Variants in PARPBP observed in about 807,000 individuals in gnomAD.
PARPBP encodes the protein PARP1 binding protein.
PARPBP carries 52 observed loss-of-function variants against 50.0 expected under a neutral mutation model. That is an observed-to-expected ratio of 1.04 (90% CI 0.83 to 1.31). The LOEUF is 1.31. PARPBP is among the 50% of genes most tolerant of loss of function. PARPBP has a pLI of 0.00. For synonymous variants in PARPBP, 244 were observed against 232.1 expected (o/e 1.05, Z -0.47); for missense variants, 697 against 672.0 (o/e 1.04, Z -0.41).
rs528317265 is a variant in PARPBP at position 102,181,469 on chromosome 12, G to T, written c.1185-1080G>T. On this transcript the variant is annotated intron_variant, in intron 8 of 10. Coordinates refer to ENST00000327680, the MANE Select transcript of PARPBP (RefSeq NM_017915.5). ...TATTACACACCTAGGCTACAAACCT[G>T]TACAGTATGTTATTGTACTAAATAG... 1.5e-3 allele frequency among the ~76,000 whole-genome samples: 232 copies of T among 152,236 alleles called. 1 individual carries two copies. Among genetic ancestry groups the T allele is most frequent in the African/African-American group, 5.4e-3 (223 of 41,530 alleles).
At chr12:102,175,369 A>G in intron 6 of PARPBP, 114 bp from the exon 7 acceptor site, 1 of 598,340 alleles carries the variant, frequency 1.7e-6, no homozygotes, top group Non-Finnish European at 2.8e-6. Context: ...TTGATATATA[A>G]GATCAAAGCT....
rs1343894910 is a variant in PARPBP, at chr12:102,148,380, AG to A, written c.305del (p.Ser102IlefsTer4). The A allele has an allele frequency of 6.9e-6, 11 of 1,587,466 alleles. No individual in the cohort carries two copies. In the Admixed American group the frequency reaches 1.2e-4, roughly 17 times the overall value. ...RKIYDDFLKNSNMLDLIDVYQ... is the reference protein window; with the variant it reads ...RKIYDDFLKNXNMLDLIDVYQ... ...GATTTATGATGATTTCTTGAAGAAC[AG>A]TAATATGTTAGATCTGATTGATGTT... is the stretch of plus-strand genomic sequence containing the variant. On this transcript the variant is annotated frameshift_variant, in exon 3 of 11. Transcript: ENST00000327680. LOFTEE classifies it high-confidence loss of function.
chr12:102,140,277 G>A (rs377198959), intron 2 of PARPBP, among the ~76,000 whole-genome samples: 4 of 152,172 alleles, frequency 2.6e-5, no homozygotes, highest in Non-Finnish European at 5.9e-5. Context: ...GCATAGAGGT[G>A]TTTATAGTAT....
At chr12:102,177,514 T>C (rs2136746064) in intron 7 of PARPBP, among the ~76,000 whole-genome samples, 1 of 152,132 alleles carries the variant, frequency 6.6e-6, no homozygotes, top group Non-Finnish European at 1.5e-5. Context: ...ATATATTTTA[T>C]TTTATTCTAT....
At chr12:102,155,840 T>C (rs1423675733) in intron 4 of PARPBP, among the ~76,000 whole-genome samples, 1 of 152,230 alleles carries the variant, frequency 6.6e-6, no homozygotes, top group Non-Finnish European at 1.5e-5. Context: ...GCTGTGCTCC[T>C]GATCTAGCCA....
intron 6 of PARPBP, among the ~76,000 whole-genome samples, chr12:102,166,222 CTG>C (rs1888125372): frequency 6.6e-6 from 1 of 152,044 alleles, no homozygotes; most frequent in South Asian, 2.1e-4. Flanking sequence ...ATAAAGGAAA[CTG>C]ATATCAAGAA....
At chr12:102,136,138 C>A (rs1246231408) in intron 2 of PARPBP, among the ~76,000 whole-genome samples, 1 of 152,184 alleles carries the variant, frequency 6.6e-6, no homozygotes, top group Admixed American at 6.6e-5. Flanking sequence ...TGGCATGTGC[C>A]ATTGTTCACT....
At chr12:102,137,567 CAT>C (rs1433587091) in intron 2 of PARPBP, among the ~76,000 whole-genome samples, 28 of 151,736 alleles carry the variant, frequency 1.8e-4, no homozygotes, top group African/African-American at 6.5e-4. Flanking sequence ...AGGTTTGTTA[CAT>C]ATGTACACAT....
intron 9 of PARPBP, 116 bp downstream of exon 9, chr12:102,182,743 A>G (rs1175830159): frequency 1.4e-6 from 1 of 723,962 alleles, no homozygotes; most frequent in Non-Finnish European, 2.4e-6. Context: ...ATGACACAGT[A>G]GGAATTAAAT....
intron 9 of PARPBP, among the ~76,000 whole-genome samples, chr12:102,188,326 C>T (rs1890494969): frequency 6.6e-6 from 1 of 150,748 alleles, no homozygotes; most frequent in Non-Finnish European, 1.5e-5. Context: ...GATCACAGAA[C>T]ATAGTGTGAA....
intron 2 of PARPBP, among the ~76,000 whole-genome samples, chr12:102,146,871 G>GA (rs1255703111): frequency 6.6e-6 from 1 of 151,710 alleles, no homozygotes; most frequent in Non-Finnish European, 1.5e-5. Flanking sequence ...AAATTTGCAA[G>GA]AAAAAAACAA....
chr12:102,121,372 A>G (rs1259553260), intron 1 of PARPBP, among the ~76,000 whole-genome samples: 1 of 152,134 alleles, frequency 6.6e-6, no homozygotes, highest in African/African-American at 2.4e-5. Flanking sequence ...AAAAAGTTTT[A>G]TTGGAGCACA....
intron 3 of PARPBP, 90 bp downstream of exon 3, chr12:102,148,553 G>A: frequency 1.8e-6 from 1 of 553,144 alleles, no homozygotes; most frequent in Non-Finnish European, 3.1e-6. Context: ...ATAGTAACTT[G>A]GTAATGTTTT....
Position 102,175,929 on chromosome 12 carries a change from A to G in PARPBP, c.1005+263A>G, listed in dbSNP as rs79170450. Among the ~76,000 whole-genome samples the G allele has an allele frequency of 9.0e-3, 1,371 of 152,208 alleles. 13 individuals carry two copies. Among genetic ancestry groups the G allele is most frequent in the Non-Finnish European group, 0.013 (883 of 68,006 alleles). On this transcript the variant is annotated intron_variant, in intron 7 of 10. Transcript: ENST00000327680. ...CTCTGGTATCCCTTTTAGTACTAAAAACTTATAATTCTTGATGGATATTAA... is the reference window on the plus strand; with the variant it reads ...CTCTGGTATCCCTTTTAGTACTAAAGACTTATAATTCTTGATGGATATTAA...
At position 102,196,444 on chromosome 12, in the gene PARPBP, A is replaced by G; in HGVS notation, c.*153A>G. ...AGTATGTTAAGCATTGTTTAAAAATACTAGTAAGTCATAATTATGCAGAAT... is the reference window on the plus strand; with the variant it reads ...AGTATGTTAAGCATTGTTTAAAAATGCTAGTAAGTCATAATTATGCAGAAT... On this transcript the variant is annotated 3_prime_UTR_variant, in exon 11 of 11. Transcript: ENST00000327680. 1 of 713,240 alleles carries G rather than the reference A, an allele frequency of 1.4e-6. No homozygotes were observed. Among genetic ancestry groups the G allele is most frequent in the Non-Finnish European group, 2.4e-6 (1 of 417,190 alleles). 44.2% of individuals were successfully genotyped at this position (713,240 alleles called of 1,614,324 possible).
Position 102,164,591 on chromosome 12 carries a change from C to G in PARPBP, c.649C>G (p.Gln217Glu), listed in dbSNP as rs75438625. The G allele has an allele frequency of 8.3e-5, 134 of 1,613,184 alleles. No individual in the cohort carries two copies. The highest frequency in any genetic ancestry group is 3.3e-4 in the Admixed American group (20 of 59,980). Residue 217 changes from glutamine to glutamate, a missense_variant, in exon 5 of 11, where the codon CAA (glutamine) becomes GAA (glutamate). Gln to Glu is a conservative substitution (Grantham distance 29). Transcript: ENST00000327680. ...TTTGAAACATGCTGCTCGAGAGAAA[C>G]AAATGTCTATCTTTTTGGTATGGTT... ...TDLKHAAREKQMSIFLVATSF... is the reference protein window; with the variant it reads ...TDLKHAAREKEMSIFLVATSF...
chr12:102,152,741 A>G (rs1480710546), intron 3 of PARPBP, among the ~76,000 whole-genome samples: 2 of 151,968 alleles, frequency 1.3e-5, no homozygotes, highest in Non-Finnish European at 2.9e-5. Context: ...GAGTAATTTC[A>G]TCTGATACTT....
Position 102,153,854 on chromosome 12 carries a change from C to CT in PARPBP, c.388-14dup. 2 of 1,380,664 alleles carry CT rather than the reference C, an allele frequency of 1.4e-6. No homozygotes were observed. The highest frequency in any genetic ancestry group is 1.0e-6 in the Non-Finnish European group (1 of 967,708). 85.5% of individuals were successfully genotyped at this position (1,380,664 alleles called of 1,614,324 possible). Reference sequence around the variant, plus strand: ...AGCATAGCATTTTATTAGTAATACTCTATGTTTTCTACAGAGTCAACTACT... The same window carrying CT: ...AGCATAGCATTTTATTAGTAATACTCTTATGTTTTCTACAGAGTCAACTACT... On this transcript the variant is annotated splice_polypyrimidine_tract_variant and intron_variant, in intron 3 of 10. Coordinates refer to ENST00000327680, the MANE Select transcript of PARPBP (RefSeq NM_017915.5).
chr12:102,158,661 T>G (rs1887227267), intron 4 of PARPBP, among the ~76,000 whole-genome samples: 1 of 152,160 alleles, frequency 6.6e-6, no homozygotes, highest in Non-Finnish European at 1.5e-5. Context: ...CTTGACAAAG[T>G]GATTGCCAAA....
Sources: gnomAD v4.1 joint callset for allele counts (sites outside exome capture counted in the v4.1 genomes callset) on GRCh38, gnomAD v4.1.1 for gene constraint, MANE v1.5 for transcripts, NCBI Gene and HGNC (gene_info 2026-07-23, HGNC 2026-07-21) for gene names.